Variants in CPSF1 observed in about 807,000 individuals in gnomAD.
CPSF1 encodes the protein cleavage and polyadenylation specificity factor subunit 1.
A neutral mutation model predicts 175.8 loss-of-function variants in CPSF1; 106 were observed. The ratio of observed to expected loss-of-function variants is 0.60; its 90% CI spans 0.52 to 0.71. CPSF1 has a LOEUF of 0.71. Ranked by LOEUF, CPSF1 falls within the 30% of genes least tolerant of loss-of-function variation. The pLI, the probability that CPSF1 is intolerant of heterozygous loss-of-function variation, is 0.00. For synonymous variants in CPSF1, 1,024 were observed against 858.3 expected (o/e 1.19, Z -3.37); for missense variants, 1,734 against 2,022.9 (o/e 0.86, Z 2.74).
chr8:144,396,545 G>C, intron 25 of CPSF1, 45 bp from the exon 26 acceptor site: 1 of 1,608,516 alleles, frequency 6.2e-7, no homozygotes, highest in Non-Finnish European at 8.5e-7. Context: ...GGATGCTGCG[G>C]ATGAGGCCGC....
intron 2 of CPSF1, 59 bp from the exon 3 acceptor site, chr8:144,401,732 G>T: frequency 6.5e-7 from 1 of 1,536,780 alleles, no homozygotes; most frequent in Admixed American, 2.0e-5. Context: ...CACCTCATCC[G>T]GGGAACGAGA....
At chr8:144,402,988 A>G (rs1821300551) in intron 2 of CPSF1, among the ~76,000 whole-genome samples, 1 of 152,200 alleles carries the variant, frequency 6.6e-6, no homozygotes, top group Non-Finnish European at 1.5e-5. Context: ...TAAACTTACC[A>G]TGCTGTCAAA....
Position 144,398,813 on chromosome 8 carries a change from A to G in CPSF1, c.1604T>C (p.Met535Thr), listed in dbSNP as rs199994715. The change falls in exon 17 of 38, where the codon ATG becomes ACG. Residue 535 changes from methionine (M) to threonine (T), a missense_variant. Met to Thr is a moderately conservative substitution (Grantham distance 81). Transcript: ENST00000616140. ...ACGCACCGGGGCGATGACTGTCCAC[A>G]TGTCATAGCAGCCGGGAAGCTCAAA... ...TTFELPGCYDMWTVIAPVRKE... is the reference protein window; with the variant it reads ...TTFELPGCYDTWTVIAPVRKE... The G allele has an allele frequency of 1.3e-4, 205 of 1,607,514 alleles. No homozygotes were observed. Among genetic ancestry groups the G allele is most frequent in the Non-Finnish European group, 1.6e-4 (193 of 1,175,652 alleles).
chr8:144,404,368 G>T (rs1272762736), intron 2 of CPSF1, among the ~76,000 whole-genome samples: 1 of 151,750 alleles, frequency 6.6e-6, no homozygotes, highest in Non-Finnish European at 1.5e-5. Context: ...CCACTCAGAA[G>T]AATTTTTTTT....
At position 144,400,721 on chromosome 8, in the gene CPSF1, G is replaced by A. The variant is rs2116877649; in HGVS notation, c.636C>T (p.Tyr212=). 6.2e-7 allele frequency: 1 copy of A among 1,613,082 alleles called. No homozygotes were observed. Among genetic ancestry groups the A allele is most frequent in the Admixed American group, 1.7e-5 (1 of 59,830 alleles). The change falls in exon 7 of 38, where the codon TAC becomes TAT. Residue 212 remains tyrosine (Y), a synonymous_variant. Transcript: ENST00000616140. The part of the protein sequence containing the change: ...NIIDLQFLHG[Y]YEPTLLILFE... ...ACAGGATGAGGAGGGTAGGCTCGTA[G>A]TAGCCATGCAGGAACTGCAGGTCGA... is the stretch of plus-strand genomic sequence containing the variant.
chr8:144,402,120 C>T (rs1378163112), intron 2 of CPSF1, among the ~76,000 whole-genome samples: 1 of 151,724 alleles, frequency 6.6e-6, no homozygotes, highest in Non-Finnish European at 1.5e-5. Context: ...AAGAGGAAGC[C>T]CTGCGCTATC....
At chr8:144,402,528 C>T (rs1216890796) in intron 2 of CPSF1, among the ~76,000 whole-genome samples, 1 of 152,152 alleles carries the variant, frequency 6.6e-6, no homozygotes, top group Non-Finnish European at 1.5e-5. Flanking sequence ...TGGTCTCGAA[C>T]TCCTGACCTC....
chr8:144,395,004 C>A lies in CPSF1; in HGVS notation c.3292G>T (p.Glu1098Ter). Residue 1098 changes from glutamate (E) to a stop codon, truncating the protein, a stop_gained, in exon 30 of 38, where the codon GAG (glutamate) becomes TAG (stop). Coordinates refer to ENST00000616140, the MANE Select transcript of CPSF1 (RefSeq NM_013291.3). LOFTEE classifies it high-confidence loss of function. ...PNARIELQEWEHVTCMKTVSL... is the reference protein window; with the variant it reads ...PNARIELQEW ...ACTGTCTTCATGCAGGTCACATGCT[C>A]CCACTCCTGCAGCTCGATCCTGTGG... 6.2e-7 allele frequency: 1 copy of A among 1,611,076 alleles called. No homozygotes were observed. The highest frequency in any genetic ancestry group is 8.5e-7 in the Non-Finnish European group (1 of 1,178,544).
chr8:144,409,248 G>A lies in CPSF1; in HGVS notation c.-15+41C>T, dbSNP rs1446070713. 5.8e-6 allele frequency: 7 copies of A among 1,213,396 alleles called. No individual in the cohort carries two copies. In the East Asian group the frequency reaches 9.8e-5, roughly 17 times the overall value. 75.2% of individuals were successfully genotyped at this position (1,213,396 alleles called of 1,614,324 possible). ...CCGGCCCCGCACCGCGCCCCTCCCCGGCCTCGCGCTGCCGCCTCGGCCGCC... is the reference window on the plus strand; with the variant it reads ...CCGGCCCCGCACCGCGCCCCTCCCCAGCCTCGCGCTGCCGCCTCGGCCGCC... On this transcript the variant is annotated intron_variant, in intron 1 of 37. Coordinates refer to ENST00000616140, the MANE Select transcript of CPSF1 (RefSeq NM_013291.3).
intron 2 of CPSF1, among the ~76,000 whole-genome samples, chr8:144,408,412 A>C (rs1240406187): frequency 6.6e-6 from 1 of 152,112 alleles, no homozygotes; most frequent in Non-Finnish European, 1.5e-5. Flanking sequence ...ACCCTCCGGC[A>C]ACCAAAACAC....
intron 2 of CPSF1, among the ~76,000 whole-genome samples, chr8:144,404,408 C>G (rs2116898126): frequency 1.7e-4 from 26 of 151,864 alleles, no homozygotes; most frequent in African/African-American, 6.3e-4. Context: ...GCTCTGTCGC[C>G]AGGCTAGAGT....
At chr8:144,405,120 A>G (rs895297365) in intron 2 of CPSF1, among the ~76,000 whole-genome samples, 7 of 152,192 alleles carry the variant, frequency 4.6e-5, no homozygotes, top group Admixed American at 1.3e-4. Flanking sequence ...GGGTTTCAAA[A>G]TAAGTCCCTA....
chr8:144,398,321 G>A lies in CPSF1; in HGVS notation c.1875C>T (p.Gly625=), dbSNP rs1586620097. The change falls in exon 19 of 38, where the codon GGC becomes GGT. Residue 625 remains glycine, a synonymous_variant. Transcript: ENST00000616140. ...ACCTACCTCCTTCCAGCAGGCGGAT[G>A]CCCAGTGGTGACACTTGGACAATGT... ...NRYIVQVSPL[G]IRLLEGVNQL... The A allele has an allele frequency of 6.6e-7, 1 of 1,518,256 alleles. No individual in the cohort carries two copies. The highest frequency in any genetic ancestry group is 1.1e-5 in the South Asian group (1 of 89,638). The allele number at this position is 1,518,256 out of a possible 1,614,324, so 94.0% of individuals were successfully genotyped here.
At position 144,398,987 on chromosome 8, in the gene CPSF1, C is replaced by T. The variant is rs2116856808; in HGVS notation, c.1519G>A (p.Gly507Arg). The T allele has an allele frequency of 2.0e-5, 32 of 1,612,334 alleles. 1 individual carries two copies. The highest frequency in any genetic ancestry group is 1.9e-4 in the South Asian group (17 of 91,050). ...DLEIVVCSGH[G>R]KNGALSVLQK... Reference sequence around the variant, plus strand: ...AGCACCGACAAAGCCCCGTTCTTCCCGTGGCCGGAGCAAACCACAATCTCC... The same window carrying T: ...AGCACCGACAAAGCCCCGTTCTTCCTGTGGCCGGAGCAAACCACAATCTCC... The change falls in exon 16 of 38, where the codon GGG becomes AGG. Residue 507 changes from glycine to arginine, a missense_variant. Coordinates refer to ENST00000616140, the MANE Select transcript of CPSF1 (RefSeq NM_013291.3).
Position 144,397,248 on chromosome 8 carries a change from G to A in CPSF1, c.2551C>T (p.Leu851=), listed in dbSNP as rs1468111934. ...CTCTGGCGGCTGCCCAGCGCCACCAGCAGCACCTCCTTGACGAGGGGCAGC... is the reference window on the plus strand; with the variant it reads ...CTCTGGCGGCTGCCCAGCGCCACCAACAGCACCTCCTTGACGAGGGGCAGC... ...GELPLVKEVL[L]VALGSRQSRP... Residue 851 remains leucine, a synonymous_variant, in exon 23 of 38, where the codon CTG becomes TTG. Coordinates refer to ENST00000616140, the MANE Select transcript of CPSF1 (RefSeq NM_013291.3). The A allele has an allele frequency of 1.9e-6, 3 of 1,550,442 alleles. No individual in the cohort carries two copies. Among genetic ancestry groups the A allele is most frequent in the Admixed American group, 1.9e-5 (1 of 51,518 alleles).
At chr8:144,400,887 C>T in intron 6 of CPSF1, 37 bp downstream of exon 6, 2 of 1,604,110 alleles carry the variant, frequency 1.2e-6, no homozygotes, top group East Asian at 4.5e-5. Context: ...TGGCGCCTCC[C>T]ACCCCAGCAC....
intron 2 of CPSF1, among the ~76,000 whole-genome samples, chr8:144,403,786 G>T (rs1429841811): frequency 6.6e-6 from 1 of 151,776 alleles, no homozygotes; most frequent in African/African-American, 2.4e-5. Context: ...CTGACCTCAG[G>T]TGATCCACCC....
Position 144,397,234 on chromosome 8 carries a change from G to A in CPSF1, c.2565C>T (p.Gly855=), listed in dbSNP as rs1820830341. The change falls in exon 23 of 38, where the codon GGC becomes GGT. Residue 855 remains glycine, a synonymous_variant. Coordinates refer to ENST00000616140, the MANE Select transcript of CPSF1 (RefSeq NM_013291.3). Reference sequence around the variant, plus strand: ...GCAGGTAGGGCCTGCTCTGGCGGCTGCCCAGCGCCACCAGCAGCACCTCCT... The same window carrying A: ...GCAGGTAGGGCCTGCTCTGGCGGCTACCCAGCGCCACCAGCAGCACCTCCT... ...LVKEVLLVAL[G]SRQSRPYLLV... 1.3e-6 allele frequency: 2 copies of A among 1,548,526 alleles called. No homozygotes were observed. Among genetic ancestry groups the A allele is most frequent in the African/African-American group, 1.4e-5 (1 of 73,044 alleles).
At position 144,406,720 on chromosome 8, in the gene CPSF1, G is replaced by A. The variant is rs2116906082; in HGVS notation, c.144+2295C>T. Among the ~76,000 whole-genome samples the A allele has an allele frequency of 5.6e-4, 85 of 151,692 alleles. 1 individual carries two copies. The South Asian group carries it at 9.8e-3, about 18-fold the overall frequency. ...CCTCGGCCAACCTACGGTGGCCAGC[G>A]TCCAAGGCAGCACAACGCTTCCTGC... is the stretch of plus-strand genomic sequence containing the variant. On this transcript the variant is annotated intron_variant, in intron 2 of 37. Transcript: ENST00000616140.
Sources: allele counts gnomAD v4.1 joint callset (sites outside exome capture counted in the v4.1 genomes callset), GRCh38; gene constraint gnomAD v4.1.1; transcripts MANE v1.5; gene names NCBI Gene and HGNC (gene_info 2026-07-23, HGNC 2026-07-21).